CHRNA4: variants seen among roughly 807,000 people sequenced by gnomAD.
CHRNA4 encodes the protein neuronal acetylcholine receptor subunit alpha-4.
Under a neutral mutation model 48.9 loss-of-function variants are expected in CHRNA4, and 28 were observed. That is an observed-to-expected ratio of 0.57 (90% CI 0.42 to 0.79). CHRNA4 has a LOEUF of 0.79. Ranked by LOEUF, CHRNA4 falls within the 30% of genes least tolerant of loss-of-function variation. The pLI is 0.00. For missense variants in CHRNA4, 859 were observed against 898.4 expected (o/e 0.96, Z 0.56); for synonymous variants, 425 against 402.3 (o/e 1.06, Z -0.68).
At chr20:63,358,153 C>T (rs1389407262) in intron 2 of CHRNA4, among the ~76,000 whole-genome samples, 3 of 152,228 alleles carry the variant, frequency 2.0e-5, no homozygotes, top group Non-Finnish European at 4.4e-5. Flanking sequence ...CACTCAAGGG[C>T]AGCTCCAGGA....
chr20:63,351,220 A>ACATCCACACCCC (rs1568811916), intron 4 of CHRNA4, 193 bp from the exon 5 acceptor site: 1 of 462,162 alleles, frequency 2.2e-6, no homozygotes, highest in African/African-American at 2.7e-5. Context: ...GTCCACGTCC[A>ACATCCACACCCC]CGCCCACATC....
intron 2 of CHRNA4, among the ~76,000 whole-genome samples, chr20:63,357,463 TCAC>T (rs1364604192): frequency 1.3e-5 from 2 of 152,202 alleles, no homozygotes; most frequent in Non-Finnish European, 1.5e-5. Context: ...ACTGCACATT[TCAC>T]CACCACTCAG....
chr20:63,356,438 G>A (rs1302648744), intron 2 of CHRNA4, 23 bp from the exon 3 acceptor site: 1 of 1,591,234 alleles, frequency 6.3e-7, no homozygotes, highest in Non-Finnish European at 8.6e-7. Context: ...GAGAGGAAGG[G>A]GGCCAGTGAC....
intron 5 of CHRNA4, among the ~76,000 whole-genome samples, chr20:63,347,942 G>A (rs1420380606): frequency 6.6e-6 from 1 of 152,228 alleles, no homozygotes; most frequent in Non-Finnish European, 1.5e-5. Flanking sequence ...AGGCAAACGG[G>A]GTCACTTATA....
In CHRNA4 at chr20:63,359,897, CTGTGTGTGTG is replaced by C. The variant is rs57641753; in HGVS notation, c.77-208_77-199del. ...TGTGTGTGTGTGTGCCGGGCGTGTGCTGTGTGTGTGTGTGTGTGTGTGTGTGTGTGTGCCG... is the reference window on the plus strand; with the variant it reads ...TGTGTGTGTGTGTGCCGGGCGTGTGCTGTGTGTGTGTGTGTGTGTGTGCCG... On this transcript the variant is annotated intron_variant, in intron 1 of 5. Transcript: ENST00000370263. The C allele has an allele frequency of 0.051, 21,801 of 429,262 alleles. 850 individuals carry two copies. Among genetic ancestry groups the C allele is most frequent in the African/African-American group, 0.19 (5,938 of 30,880 alleles). 26.6% of individuals were successfully genotyped at this position (429,262 alleles called of 1,614,324 possible).
At position 63,350,739 on chromosome 20, in the gene CHRNA4, C is replaced by G; in HGVS notation, c.672G>C (p.Glu224Asp). Residue 224 changes from glutamate (E) to aspartate (D), a missense_variant, in exon 5 of 6, where the codon GAG becomes GAC. Physicochemically the swap from Glu to Asp is conservative, Grantham distance 45. Coordinates refer to ENST00000370263, the MANE Select transcript of CHRNA4 (RefSeq NM_000744.7). Reference protein sequence around the residue: ...AVGTYNTRKYECCAEIYPDIT... With the variant: ...AVGTYNTRKYDCCAEIYPDIT... ...TGTCCGGGTAGATCTCGGCACAGCA[C>G]TCGTACTTCCTGGTGTTGTAGGTGC... 1 of 1,542,226 alleles carries G rather than the reference C, an allele frequency of 6.5e-7. No individual in the cohort carries two copies. Among genetic ancestry groups the G allele is most frequent in the East Asian group, 2.5e-5 (1 of 39,240 alleles).
rs901600125 is a variant in CHRNA4, at chr20:63,355,513, T to C, written c.383+462A>G. On this transcript the variant is annotated intron_variant, in intron 4 of 5. Coordinates refer to ENST00000370263, the MANE Select transcript of CHRNA4 (RefSeq NM_000744.7). ...TTCCTCACCCCTCTCCAGGGCACCC[T>C]GCAGTCCACACTATTCTCCCAGAAA... is the stretch of plus-strand genomic sequence containing the variant. 3.9e-6 allele frequency: 5 copies of C among 1,290,340 alleles called. No homozygotes were observed. The African/African-American group carries it at 4.6e-5, about 12-fold the overall frequency. The allele number at this position is 1,290,340 out of a possible 1,614,324, so 79.9% of individuals were successfully genotyped here. A position where few individuals can be genotyped will look rare whatever the true frequency, so the allele number is the denominator to read the frequency against.
intron 5 of CHRNA4, among the ~76,000 whole-genome samples, chr20:63,347,347 A>C (rs548224664): frequency 6.6e-6 from 1 of 152,316 alleles, no homozygotes; most frequent in East Asian, 1.9e-4. Context: ...AGCAGCACAC[A>C]TGGAGCCCGC....
chr20:63,344,161 A>C lies in CHRNA4; in HGVS notation c.*2577T>G, dbSNP rs1377025909. ...AGACAGCAAGGAGCTACGGACACAC[A>C]CAACAGCACGGATGAAGCTCTAAGT... On this transcript the variant is annotated 3_prime_UTR_variant, in exon 6 of 6. Transcript: ENST00000370263. This position sits in a 1 kb window ranked among gnomAD's most constrained non-coding sequence, Gnocchi z 4.5. The C allele has an allele frequency of 4.4e-6, 2 of 454,142 alleles. No individual in the cohort carries two copies. Among genetic ancestry groups the C allele is most frequent in the Admixed American group, 4.7e-5 (2 of 42,582 alleles). The allele number at this position is 454,142 out of a possible 1,614,324, so 28.1% of individuals were successfully genotyped here.
In CHRNA4 at chr20:63,345,202, G is replaced by A. The variant is rs200033467; in HGVS notation, c.*1536C>T. ...ACGAGACCCTGGCCCAGGAGAGCTC[G>A]GCTCGGGGACAGAGGAATGAGACTC... is the stretch of plus-strand genomic sequence containing the variant. On this transcript the variant is annotated 3_prime_UTR_variant, in exon 6 of 6. Transcript: ENST00000370263. The surrounding 1 kb of genome is among the most constrained non-coding windows in gnomAD (Gnocchi z 5.4). The A allele has an allele frequency of 4.3e-5, 19 of 446,230 alleles. No individual in the cohort carries two copies. The highest frequency in any genetic ancestry group is 8.2e-5 in the Non-Finnish European group (18 of 220,594). 27.6% of individuals were successfully genotyped at this position (446,230 alleles called of 1,614,324 possible).
chr20:63,357,112 C>T (rs959816803), intron 2 of CHRNA4, among the ~76,000 whole-genome samples: 2 of 151,620 alleles, frequency 1.3e-5, no homozygotes, highest in African/African-American at 4.9e-5. Context: ...GACCACATTC[C>T]CACAGGACCA....
chr20:63,350,200 G>A lies in CHRNA4; in HGVS notation c.1211C>T (p.Pro404Leu), dbSNP rs1435870435. The change falls in exon 5 of 6, where the codon CCC becomes CTC. Residue 404 changes from proline to leucine, a missense_variant. This residue lies in a region of CHRNA4 where 478 missense variants were observed against 455.4 expected (regional missense o/e 1.05). Transcript: ENST00000370263. ...ATSGTQSLHP[P>L]SPSFCVPLDV... is the part of the protein sequence containing the mutation. The stretch of plus-strand genomic sequence containing the variant: ...CAGGGGGACACAGAAGGACGGTGAG[G>A]GCGGGTGCAGGCTCTGGGTGCCGCT... The A allele has an allele frequency of 6.2e-7, 1 of 1,600,928 alleles. No individual in the cohort carries two copies. Among genetic ancestry groups the A allele is most frequent in the Non-Finnish European group, 8.5e-7 (1 of 1,173,136 alleles).
Position 63,346,269 on chromosome 20 carries a change from A to G in CHRNA4, c.*469T>C, listed in dbSNP as rs912733119. The G allele has an allele frequency of 6.6e-6, 3 of 452,988 alleles. No homozygotes were observed. The highest frequency in any genetic ancestry group is 2.4e-5 in the Admixed American group (1 of 42,432). The allele number at this position is 452,988 out of a possible 1,614,324, so 28.1% of individuals were successfully genotyped here. On this transcript the variant is annotated 3_prime_UTR_variant, in exon 6 of 6. Coordinates refer to ENST00000370263, the MANE Select transcript of CHRNA4 (RefSeq NM_000744.7). ...CCCTGGGGGAGAAGTTGAAGCCCAC[A>G]CAGGCGCAGGACACGGTGGGTGGGA...
At chr20:63,347,018 G>A (rs547896102) in intron 5 of CHRNA4, 155 bp from the exon 6 acceptor site, 27 of 1,113,760 alleles carry the variant, frequency 2.4e-5, no homozygotes, top group East Asian at 4.9e-5. Flanking sequence ...CAGCTGCACC[G>A]AGGGGAGGAA....
Position 63,343,986 on chromosome 20 carries a change from T to A in CHRNA4, c.*2752A>T, listed in dbSNP as rs997635811. 1 of 453,950 alleles carries A rather than the reference T, an allele frequency of 2.2e-6. No individual in the cohort carries two copies. The highest frequency in any genetic ancestry group is 2.0e-5 in the African/African-American group (1 of 49,972). The allele number at this position is 453,950 out of a possible 1,614,324, so 28.1% of individuals were successfully genotyped here. On this transcript the variant is annotated 3_prime_UTR_variant, in exon 6 of 6. Coordinates refer to ENST00000370263, the MANE Select transcript of CHRNA4 (RefSeq NM_000744.7). ...CATTAACAGATGCAGAAAATAAACA[T>A]GCATAACGGATAGAGTGCCATGCAC... is the stretch of plus-strand genomic sequence containing the variant.
rs747682118 is a variant in CHRNA4, at chr20:63,361,265, G to A, written c.-100C>T. The stretch of plus-strand genomic sequence containing the variant: ...ACTTCATGCCTCCCGCGCCTCGCGG[G>A]CCGCTTCGGCCGCCGGGCCCGGTTC... On this transcript the variant is annotated 5_prime_UTR_variant, in exon 1 of 6. Transcript: ENST00000370263. 40 of 1,384,164 alleles carry A rather than the reference G, an allele frequency of 2.9e-5. 1 individual carries two copies. Among genetic ancestry groups the A allele is most frequent in the South Asian group, 7.6e-5 (5 of 65,376 alleles). 85.7% of individuals were successfully genotyped at this position (1,384,164 alleles called of 1,614,324 possible).
At chr20:63,351,618 T>G (rs968180669) in intron 4 of CHRNA4, among the ~76,000 whole-genome samples, 3 of 152,158 alleles carry the variant, frequency 2.0e-5, no homozygotes, top group African/African-American at 4.8e-5. Context: ...CACCTCCCAG[T>G]GTGTGAGCAT....
In CHRNA4 at chr20:63,349,457, G is replaced by T. The variant is rs772890011; in HGVS notation, c.1758+196C>A. 5.8e-5 allele frequency: 42 copies of T among 727,038 alleles called. No homozygotes were observed. In the East Asian group the frequency reaches 1.1e-3, roughly 19 times the overall value. The allele number at this position is 727,038 out of a possible 1,614,324, so 45.0% of individuals were successfully genotyped here. ...CTGTGCCAGCCACTCGGGGCCCCCT[G>T]CCCCGCTCAGCCTGGGACCTGCGGC... is the stretch of plus-strand genomic sequence containing the variant. On this transcript the variant is annotated intron_variant, in intron 5 of 5. Transcript: ENST00000370263.
At position 63,361,189 on chromosome 20, in the gene CHRNA4, A is replaced by G; in HGVS notation, c.-24T>C. ...ATGGCGCACGCACCTCGCGGGCTCT[A>G]GATGCGGGCGGCTCCCGGCTCCCCG... On this transcript the variant is annotated 5_prime_UTR_variant, in exon 1 of 6. An upstream open reading frame in the 5' UTR loses its in-frame stop. Transcript: ENST00000370263. The G allele has an allele frequency of 2.1e-6, 3 of 1,459,926 alleles. No individual in the cohort carries two copies. Among genetic ancestry groups the G allele is most frequent in the Non-Finnish European group, 2.7e-6 (3 of 1,109,156 alleles). The allele number at this position is 1,459,926 out of a possible 1,614,324, so 90.4% of individuals were successfully genotyped here. A position where few individuals can be genotyped will look rare whatever the true frequency, so the allele number is the denominator to read the frequency against.
Sources: allele counts gnomAD v4.1 joint callset (sites outside exome capture counted in the v4.1 genomes callset), GRCh38; gene constraint gnomAD v4.1.1; regional missense constraint gnomAD v4.1.1; non-coding constraint Gnocchi (gnomAD v3.1); transcripts MANE v1.5; gene names NCBI Gene and HGNC (gene_info 2026-07-23, HGNC 2026-07-21).